Variants in ANKRD17 observed in about 807,000 individuals in gnomAD.
ANKRD17 encodes ankyrin repeat domain 17.
Under a neutral mutation model 229.7 loss-of-function variants are expected in ANKRD17, and 19 were observed. The ratio of observed to expected loss-of-function variants is 0.08; its 90% CI spans 0.06 to 0.12. ANKRD17 has a LOEUF of 0.12. ANKRD17 is among the 10% of genes least tolerant of loss of function. The pLI is 1.00. For missense variants in ANKRD17, 2,176 were observed against 3,176.8 expected (o/e 0.68, Z 7.57); for synonymous variants, 1,112 against 1,146.1 (o/e 0.97, Z 0.60).
intron 1 of ANKRD17, among the ~76,000 whole-genome samples, chr4:73,210,204 A>T (rs1025135337): frequency 6.6e-6 from 1 of 152,162 alleles, no homozygotes; most frequent in Non-Finnish European, 1.5e-5. Context: ...AAATCCTAAG[A>T]TCTACCAAAA....
chr4:73,157,033 A>G (rs996457813), intron 3 of ANKRD17, among the ~76,000 whole-genome samples: 4 of 152,248 alleles, frequency 2.6e-5, no homozygotes, highest in Non-Finnish European at 5.9e-5. Flanking sequence ...TGAAGGATAA[A>G]GTCTAATTTA....
intron 2 of ANKRD17, among the ~76,000 whole-genome samples, chr4:73,173,168 C>T (rs1734271034): frequency 6.6e-6 from 1 of 152,154 alleles, no homozygotes; most frequent in Non-Finnish European, 1.5e-5. Context: ...GCTATACTTA[C>T]ATTGCACAAA....
At chr4:73,127,314 T>G (rs187710101) in intron 16 of ANKRD17, among the ~76,000 whole-genome samples, 295 of 152,318 alleles carry the variant, frequency 1.9e-3, no homozygotes, top group Non-Finnish European at 3.2e-3. Context: ...AAATGTAAAT[T>G]ATCTCAGCAA....
At chr4:73,227,066 C>T (rs1481813395) in intron 1 of ANKRD17, among the ~76,000 whole-genome samples, 1 of 152,158 alleles carries the variant, frequency 6.6e-6, no homozygotes, top group African/African-American at 2.4e-5. Flanking sequence ...TATGTCACTG[C>T]AGGATACCAT....
intron 16 of ANKRD17, 67 bp from the exon 17 acceptor site, chr4:73,125,379 T>C (rs970304053): frequency 6.2e-5 from 67 of 1,083,862 alleles, no homozygotes; most frequent in Non-Finnish European, 8.6e-5. Context: ...ATACATAATA[T>C]GCAAACATAT....
intron 1 of ANKRD17, among the ~76,000 whole-genome samples, chr4:73,226,887 T>C (rs994241171): frequency 1.3e-5 from 2 of 151,678 alleles, no homozygotes; most frequent in Non-Finnish European, 2.9e-5. Flanking sequence ...ACAAAAGCAT[T>C]TGTTCTTTTA....
chr4:73,100,734 G>A lies in ANKRD17; in HGVS notation c.4573+1642C>T, dbSNP rs959150492. 2.3e-5 allele frequency: 13 copies of A among 576,864 alleles called. No homozygotes were observed. The South Asian group carries it at 6.1e-4, about 27-fold the overall frequency. 35.7% of individuals were successfully genotyped at this position (576,864 alleles called of 1,614,324 possible). On this transcript the variant is annotated intron_variant, in intron 25 of 33. Coordinates refer to ENST00000358602, the MANE Select transcript of ANKRD17 (RefSeq NM_032217.5). ...TGTGCCAAAATGTTTTAAAAATGTA[G>A]GTGACATAGAGGTATTTACCATATT...
At chr4:73,214,602 A>T (rs1431948179) in intron 1 of ANKRD17, among the ~76,000 whole-genome samples, 1 of 152,108 alleles carries the variant, frequency 6.6e-6, no homozygotes, top group Non-Finnish European at 1.5e-5. Flanking sequence ...GTTAGTAGTT[A>T]TCATATTCTT....
At chr4:73,204,373 A>G (rs1402239727) in intron 1 of ANKRD17, among the ~76,000 whole-genome samples, 1 of 150,810 alleles carries the variant, frequency 6.6e-6, no homozygotes, top group African/African-American at 2.4e-5. Flanking sequence ...AAAAAAAAAA[A>G]AAAAAAGAAA....
intron 8 of ANKRD17, among the ~76,000 whole-genome samples, 186 bp downstream of exon 8, chr4:73,148,624 AAAG>A (rs1264056339): frequency 5.9e-5 from 9 of 152,302 alleles, no homozygotes; most frequent in Middle Eastern, 3.4e-3. Context: ...GCTCTATATG[AAAG>A]AAGTTTCTTT....
chr4:73,152,917 A>AT (rs1421957958), intron 6 of ANKRD17, among the ~76,000 whole-genome samples: 1 of 152,146 alleles, frequency 6.6e-6, no homozygotes, highest in Non-Finnish European at 1.5e-5. Context: ...AATAAACCAT[A>AT]TTTTTCAAAT....
At chr4:73,184,528 C>CAAAAAAAAAAAAAA (rs776930137) in intron 1 of ANKRD17, among the ~76,000 whole-genome samples, 24 of 29,964 alleles carry the variant, frequency 8.0e-4, no homozygotes, top group Non-Finnish European at 1.1e-3. Context: ...GACTTCCTCT[C>CAAAAAAAAAAAAAA]AAAAAAAAAA....
chr4:73,211,733 G>A lies in ANKRD17; in HGVS notation c.394-34200C>T, dbSNP rs1003885786. On this transcript the variant is annotated intron_variant, in intron 1 of 33. Transcript: ENST00000358602. Reference sequence around the variant, plus strand: ...GTGGTGGCAGGTGCCTGTAATCCCAGCTACGTGGGAGGCTGAGGCAGGAGA... The same window carrying A: ...GTGGTGGCAGGTGCCTGTAATCCCAACTACGTGGGAGGCTGAGGCAGGAGA... Among the ~76,000 whole-genome samples, 3 of 151,742 alleles carry A rather than the reference G, an allele frequency of 2.0e-5. 1 individual carries two copies. Among genetic ancestry groups the A allele is most frequent in the Admixed American group, 2.0e-4 (3 of 15,226 alleles).
chr4:73,205,915 T>A (rs1387089616), intron 1 of ANKRD17, among the ~76,000 whole-genome samples: 1 of 152,054 alleles, frequency 6.6e-6, no homozygotes, highest in Non-Finnish European at 1.5e-5. Context: ...TTTAAAAAAA[T>A]GGGCTAAGGA....
chr4:73,097,288 G>A lies in ANKRD17; in HGVS notation c.5022-16C>T, dbSNP rs1265959835. On this transcript the variant is annotated splice_polypyrimidine_tract_variant and intron_variant, in intron 26 of 33. Transcript: ENST00000358602. ...TTCTGACAATCTTTAACAAAGAGAGGGAAAGTACATTAAATATGGAACAGA... is the reference window on the plus strand; with the variant it reads ...TTCTGACAATCTTTAACAAAGAGAGAGAAAGTACATTAAATATGGAACAGA... 4 of 1,555,034 alleles carry A rather than the reference G, an allele frequency of 2.6e-6. No individual in the cohort carries two copies. The highest frequency in any genetic ancestry group is 2.4e-5 in the East Asian group (1 of 41,910).
chr4:73,204,049 C>T (rs1006575531), intron 1 of ANKRD17, among the ~76,000 whole-genome samples: 1 of 151,712 alleles, frequency 6.6e-6, no homozygotes, highest in African/African-American at 2.4e-5. Flanking sequence ...TGAAAAAGAC[C>T]TTTAAAGTGC....
At chr4:73,233,318 A>G (rs193083665) in intron 1 of ANKRD17, among the ~76,000 whole-genome samples, 11 of 152,176 alleles carry the variant, frequency 7.2e-5, no homozygotes, top group Non-Finnish European at 1.5e-4. Flanking sequence ...AAATTTATAG[A>G]TATTATTTTT....
chr4:73,173,973 G>A (rs1734378240), intron 2 of ANKRD17, among the ~76,000 whole-genome samples: 1 of 151,604 alleles, frequency 6.6e-6, no homozygotes, highest in Admixed American at 6.6e-5. Flanking sequence ...GAACCCACAG[G>A]GTAAATGGGA....
intron 7 of ANKRD17, among the ~76,000 whole-genome samples, chr4:73,149,557 G>A (rs974018237): frequency 1.1e-4 from 17 of 152,054 alleles, no homozygotes; most frequent in African/African-American, 3.6e-4. Flanking sequence ...ATTGTTCATC[G>A]TCCAAGTACC....
Sources: gnomAD v4.1 joint callset for allele counts (sites outside exome capture counted in the v4.1 genomes callset) on GRCh38, gnomAD v4.1.1 for gene constraint, MANE v1.5 for transcripts, NCBI Gene and HGNC (gene_info 2026-07-23, HGNC 2026-07-21) for gene names.